Variants in TEX9 observed in about 807,000 individuals in gnomAD.
The protein encoded by TEX9 is testis expressed 9.
A neutral mutation model predicts 59.6 loss-of-function variants in TEX9; 74 were observed. The ratio of observed to expected loss-of-function variants is 1.24; its 90% CI spans 1.03 to 1.51. The LOEUF (loss-of-function observed/expected upper bound fraction) is 1.51. Ranked by LOEUF, TEX9 falls within the 40% of genes most tolerant of loss-of-function variation. The pLI, the probability that TEX9 is intolerant of heterozygous loss-of-function variation, is 0.00. For synonymous variants in TEX9, 186 were observed against 152.2 expected (o/e 1.22, Z -1.64); for missense variants, 522 against 447.8 (o/e 1.17, Z -1.49).
chr15:56,439,367 T>C (rs2050781061), intron 12 of TEX9, among the ~76,000 whole-genome samples: 1 of 151,942 alleles, frequency 6.6e-6, no homozygotes, highest in Non-Finnish European at 1.5e-5. Flanking sequence ...TCAATACCTA[T>C]CAAAATCCCA....
chr15:56,422,890 T>A (rs1370291312), intron 10 of TEX9, among the ~76,000 whole-genome samples: 1 of 152,178 alleles, frequency 6.6e-6, no homozygotes, highest in African/African-American at 2.4e-5. Context: ...TAAACGTCAG[T>A]AGAATTATAC....
intron 1 of TEX9, among the ~76,000 whole-genome samples, chr15:56,258,713 T>A (rs1339547830): frequency 6.6e-6 from 1 of 151,958 alleles, no homozygotes; most frequent in Non-Finnish European, 1.5e-5. Context: ...TTATTTAGAT[T>A]TCTCTGATTA....
the TEX9 span, among the ~76,000 whole-genome samples, chr15:56,455,956 A>G: frequency 1.3e-5 from 2 of 152,080 alleles, no homozygotes; most frequent in African/African-American, 4.8e-5. Context: ...TTTTAAAACA[A>G]TGGGGGGGAA....
chr15:56,322,836 T>C (rs547722263), intron 1 of TEX9, among the ~76,000 whole-genome samples: 9 of 114,522 alleles, frequency 7.9e-5, no homozygotes, highest in Non-Finnish European at 2.0e-4. Context: ...CATAATCACA[T>C]TACAGTAAAA....
rs191523993 is a variant in TEX9 at position 56,371,693 on chromosome 15, T to G, written c.120-1748T>G. Among the ~76,000 whole-genome samples the G allele has an allele frequency of 1.4e-3, 218 of 152,304 alleles. 1 individual carries two copies. Among genetic ancestry groups the G allele is most frequent in the Non-Finnish European group, 2.4e-3 (161 of 68,018 alleles). ...ATGTTCCTATAGGGTGGTTTTCAAT[T>G]TACCTTTACTAGTTTCGAGTTTTGA... On this transcript the variant is annotated intron_variant, in intron 2 of 12. Transcript: ENST00000352903.
intron 1 of TEX9, among the ~76,000 whole-genome samples, chr15:56,258,592 G>A (rs77155059): frequency 0.03 from 4,507 of 152,022 alleles, 214 homozygotes; most frequent in African/African-American, 0.1. Context: ...TGGCTTGCCT[G>A]TTTTTGGTGT....
intron 2 of TEX9, among the ~76,000 whole-genome samples, chr15:56,367,142 T>A (rs1180043955): frequency 6.6e-6 from 1 of 152,194 alleles, no homozygotes; most frequent in Non-Finnish European, 1.5e-5. Flanking sequence ...GGACTATTAT[T>A]GTATTCTAGC....
chr15:56,401,336 G>T (rs1294801721), intron 9 of TEX9, among the ~76,000 whole-genome samples: 2 of 131,792 alleles, frequency 1.5e-5, no homozygotes, highest in East Asian at 3.3e-4. Context: ...AAAAAAACAG[G>T]GGTTGCAATC....
chr15:56,267,752 C>T (rs1402403801), intron 1 of TEX9, among the ~76,000 whole-genome samples: 10 of 152,122 alleles, frequency 6.6e-5, no homozygotes, highest in Non-Finnish European at 1.5e-4. Flanking sequence ...AGTTTGAAGT[C>T]AGGTAGCGTG....
intron 1 of TEX9, among the ~76,000 whole-genome samples, chr15:56,264,038 G>C (rs1446952610): frequency 6.6e-6 from 1 of 152,114 alleles, no homozygotes; most frequent in Non-Finnish European, 1.5e-5. Context: ...GGAAAAAGTT[G>C]CTATAAACAT....
rs1555447130 is a variant in TEX9, at chr15:56,426,640, C to CACACAA, written c.964-960_964-959insAACACA. Among the ~76,000 whole-genome samples the CACACAA allele has an allele frequency of 1.1e-3, 58 of 52,988 alleles. 1 individual carries two copies. Among genetic ancestry groups the CACACAA allele is most frequent in the African/African-American group, 2.4e-3 (54 of 22,378 alleles). The allele number at this position is 52,988 out of a possible 152,430, so 34.8% of individuals were successfully genotyped here. A position where few individuals can be genotyped will look rare whatever the true frequency, so the allele number is the denominator to read the frequency against. Reference sequence around the variant, plus strand: ...ATATATATATATACACACACACAAACACACACACACACACGTATGTATACA... The same window carrying CACACAA: ...ATATATATATATACACACACACAAACACACAAACACACACACACACGTATGTATACA... On this transcript the variant is annotated intron_variant, in intron 10 of 12. Coordinates refer to ENST00000352903, the Ensembl canonical transcript of TEX9.
chr15:56,279,127 A>G (rs1458427981), intron 1 of TEX9, among the ~76,000 whole-genome samples: 1 of 152,208 alleles, frequency 6.6e-6, no homozygotes, highest in South Asian at 2.1e-4. Flanking sequence ...AAAAGCATGC[A>G]TGTACTTGCC....
At chr15:56,421,123 A>T (rs75060875) in intron 10 of TEX9, among the ~76,000 whole-genome samples, 1 of 151,824 alleles carries the variant, frequency 6.6e-6, no homozygotes, top group African/African-American at 2.4e-5. Context: ...TGTTCTATCA[A>T]TGATCAAGAG....
intron 2 of TEX9, among the ~76,000 whole-genome samples, chr15:56,367,401 G>T (rs2046993823): frequency 6.6e-6 from 1 of 152,140 alleles, no homozygotes; most frequent in Non-Finnish European, 1.5e-5. Context: ...TCTTGGCATT[G>T]ATCATTAGAA....
At chr15:56,307,587 A>G (rs1429223168) in intron 1 of TEX9, among the ~76,000 whole-genome samples, 1 of 152,236 alleles carries the variant, frequency 6.6e-6, no homozygotes, top group Non-Finnish European at 1.5e-5. Flanking sequence ...TTGTTGACAT[A>G]AATTACGTAT....
chr15:56,437,793 A>G (rs1348567809), intron 12 of TEX9, among the ~76,000 whole-genome samples: 1 of 152,226 alleles, frequency 6.6e-6, no homozygotes, highest in Non-Finnish European at 1.5e-5. Flanking sequence ...TCAATGTACA[A>G]AAATCACAAG....
intron 1 of TEX9, among the ~76,000 whole-genome samples, chr15:56,349,766 C>T (rs781673017): frequency 2.0e-5 from 3 of 151,014 alleles, no homozygotes; most frequent in South Asian, 2.1e-4. Context: ...TATATACACA[C>T]GTGTATATAC....
intron 9 of TEX9, among the ~76,000 whole-genome samples, chr15:56,403,580 C>G (rs1285557766): frequency 2.6e-5 from 4 of 152,202 alleles, no homozygotes; most frequent in Non-Finnish European, 5.9e-5. Context: ...AGATTCAATG[C>G]CATCCCCATC....
chr15:56,343,196 CT>C (rs1429385550), intron 1 of TEX9, among the ~76,000 whole-genome samples: 1 of 152,082 alleles, frequency 6.6e-6, no homozygotes, highest in Non-Finnish European at 1.5e-5. Context: ...AATATCTGAA[CT>C]GATTGATATT....
Sources: allele counts gnomAD v4.1 joint callset (sites outside exome capture counted in the v4.1 genomes callset), GRCh38; gene constraint gnomAD v4.1.1; transcripts MANE v1.5; gene names NCBI Gene and HGNC (gene_info 2026-07-23, HGNC 2026-07-21).